SQLE: variants seen among roughly 807,000 people sequenced by gnomAD.
SQLE encodes squalene epoxidase.
SQLE carries 29 observed loss-of-function variants against 60.7 expected under a neutral mutation model. The observed-to-expected ratio is 0.48, with a 90% CI of 0.36 to 0.65. The LOEUF is 0.65. Ranked by LOEUF, SQLE falls within the 30% of genes least tolerant of loss-of-function variation. The pLI is 0.00. For missense variants in SQLE, 605 were observed against 684.1 expected (o/e 0.88, Z 1.29); for synonymous variants, 237 against 246.8 (o/e 0.96, Z 0.37).
intron 7 of SQLE, among the ~76,000 whole-genome samples, chr8:125,012,171 T>C (rs144865745): frequency 1.4e-4 from 22 of 152,210 alleles, no homozygotes; most frequent in African/African-American, 4.3e-4. Flanking sequence ...GGCAGGAGCA[T>C]AGGGTGGGTG....
At chr8:125,013,773 G>A (rs546703659) in intron 7 of SQLE, among the ~76,000 whole-genome samples, 14 of 152,316 alleles carry the variant, frequency 9.2e-5, no homozygotes, top group African/African-American at 3.4e-4. Flanking sequence ...TGATTTGTTT[G>A]TGTGTGGATA....
At chr8:124,999,803 G>C in intron 1 of SQLE, 109 bp downstream of exon 1, 2 of 1,284,992 alleles carry the variant, frequency 1.6e-6, no homozygotes, top group Non-Finnish European at 2.1e-6. Flanking sequence ...TTAGATGCTT[G>C]TATACATTCT....
intron 3 of SQLE, 62 bp downstream of exon 3, chr8:125,005,767 G>C (rs1814937504): frequency 1.5e-6 from 2 of 1,331,942 alleles, no homozygotes; most frequent in Non-Finnish European, 2.0e-6. Context: ...TTTGACCTTT[G>C]TACAAATAAG....
At chr8:125,017,257 G>A (rs918165042) in intron 7 of SQLE, among the ~76,000 whole-genome samples, 1 of 151,986 alleles carries the variant, frequency 6.6e-6, no homozygotes, top group Non-Finnish European at 1.5e-5. Context: ...GGGAGCCAGG[G>A]CCTGGAGTTG....
intron 4 of SQLE, 50 bp from the exon 5 acceptor site, chr8:125,008,921 T>A: frequency 7.6e-7 from 1 of 1,319,980 alleles, no homozygotes; most frequent in Non-Finnish European, 1.0e-6. Context: ...TGGCTTTTTT[T>A]ACTGTGTGTT....
At chr8:125,000,072 G>T (rs1347973139) in intron 1 of SQLE, 1 of 467,656 alleles carries the variant, frequency 2.1e-6, no homozygotes, top group Non-Finnish European at 4.2e-6. Context: ...CGTGCTGCGG[G>T]TAAGTCCACT....
chr8:125,008,552 CA>C (rs1814993474), intron 4 of SQLE, among the ~76,000 whole-genome samples: 1 of 152,156 alleles, frequency 6.6e-6, no homozygotes, highest in Non-Finnish European at 1.5e-5. Flanking sequence ...GTCATTTGTA[CA>C]AAAATTCTTC....
In SQLE at chr8:125,016,967, A is replaced by G. The variant is rs890712649; in HGVS notation, c.1205-1092A>G. On this transcript the variant is annotated intron_variant, in intron 7 of 10. Transcript: ENST00000265896. The surrounding 1 kb of genome is among the most constrained non-coding windows in gnomAD (Gnocchi z 4.1). The stretch of plus-strand genomic sequence containing the variant: ...GGTTCTCTTCCCTTACTTTCCCCCA[A>G]ACAGAGTCTGTCCTTCTTTGTTGAG... Among the ~76,000 whole-genome samples the G allele has an allele frequency of 3.9e-5, 6 of 152,096 alleles. No individual in the cohort carries two copies. Among genetic ancestry groups the G allele is most frequent in the African/African-American group, 1.2e-4 (5 of 41,416 alleles).
In SQLE at chr8:125,007,904, A is replaced by G. The variant is rs1443578546; in HGVS notation, c.822+417A>G. On this transcript the variant is annotated intron_variant, in intron 4 of 10. Coordinates refer to ENST00000265896, the MANE Select transcript of SQLE (RefSeq NM_003129.4). Reference sequence around the variant, plus strand: ...ATGCTATGCAAAAAACATTTTAAACAGAACTAATGTGAATAGTTTTTGAAA... The same window carrying G: ...ATGCTATGCAAAAAACATTTTAAACGGAACTAATGTGAATAGTTTTTGAAA... Among the ~76,000 whole-genome samples the G allele has an allele frequency of 1.3e-4, 20 of 152,236 alleles. 1 individual carries two copies. Among genetic ancestry groups the G allele is most frequent in the Admixed American group, 1.3e-3 (20 of 15,288 alleles).
At chr8:125,008,165 C>T (rs1814985254) in intron 4 of SQLE, among the ~76,000 whole-genome samples, 2 of 152,172 alleles carry the variant, frequency 1.3e-5, no homozygotes, top group Non-Finnish European at 1.5e-5. Context: ...TCTCGGCTCA[C>T]TGCAACCTCC....
At chr8:125,000,889 A>C (rs1332508133) in intron 1 of SQLE, among the ~76,000 whole-genome samples, 1 of 152,210 alleles carries the variant, frequency 6.6e-6, no homozygotes, top group Non-Finnish European at 1.5e-5. Context: ...TTTTTGCGCC[A>C]CCATTTCTGG....
chr8:125,006,199 C>T (rs1015685311), intron 3 of SQLE, among the ~76,000 whole-genome samples: 6 of 152,104 alleles, frequency 3.9e-5, no homozygotes, highest in Non-Finnish European at 8.8e-5. Flanking sequence ...AAGTTTTAAG[C>T]GTGAGAACCC....
intron 7 of SQLE, chr8:125,017,818 A>G: frequency 2.0e-6 from 1 of 497,838 alleles, no homozygotes. Flanking sequence ...TCATGAGGGC[A>G]GAGGCCACAC....
chr8:125,020,909 A>G lies in SQLE; in HGVS notation c.1532+38A>G, dbSNP rs148283890. ...GGCACAGAGGATACAAACCTGCCAG[A>G]TTTTCTTAGGACTGTTCAGTTGATG... is the stretch of plus-strand genomic sequence containing the variant. On this transcript the variant is annotated intron_variant, in intron 10 of 10. Coordinates refer to ENST00000265896, the MANE Select transcript of SQLE (RefSeq NM_003129.4). 7.8e-4 allele frequency: 1,124 copies of G among 1,441,276 alleles called. 13 individuals carry two copies. The African/African-American group carries it at 0.013, about 17-fold the overall frequency. 89.3% of individuals were successfully genotyped at this position (1,441,276 alleles called of 1,614,324 possible). A position where few individuals can be genotyped will look rare whatever the true frequency, so the allele number is the denominator to read the frequency against.
chr8:125,018,956 CAT>C (rs1215139212), intron 9 of SQLE: 3 of 455,642 alleles, frequency 6.6e-6, no homozygotes, highest in Non-Finnish European at 1.2e-5. Context: ...GCCTCAGTAA[CAT>C]ATTCATTATT....
In SQLE at chr8:125,021,912, A is replaced by C; in HGVS notation, c.1692A>C (p.Leu564=). ...AAGCGTGTTCTGTAATATTTCCTCT[A>C]ATTTACTCAGAAATGAAGTATATGG... The part of the protein sequence containing the change: ...LYKACSVIFP[L]IYSEMKYMVH The change falls in exon 11 of 11, where the codon CTA becomes CTC. Residue 564 remains leucine (L), a synonymous_variant. Coordinates refer to ENST00000265896, the MANE Select transcript of SQLE (RefSeq NM_003129.4). The C allele has an allele frequency of 3.7e-6, 6 of 1,606,512 alleles. No individual in the cohort carries two copies. The highest frequency in any genetic ancestry group is 5.1e-6 in the Non-Finnish European group (6 of 1,175,896).
rs763545973 is a variant in SQLE, at chr8:125,005,659, G to A, written c.679G>A (p.Gly227Arg). The A allele has an allele frequency of 1.9e-6, 3 of 1,605,098 alleles. No homozygotes were observed. Among genetic ancestry groups the A allele is most frequent in the Non-Finnish European group, 1.7e-6 (2 of 1,174,274 alleles). ...QVQSGRAFHH[G>R]RFIMSLRKAA... ...GCAGAGTGGAAGAGCTTTCCATCAC[G>A]GAAGATTCATCATGAGTCTCCGGAA... Residue 227 changes from glycine to arginine, a missense_variant, in exon 3 of 11, where the codon GGA becomes AGA. Transcript: ENST00000265896.
rs1334982830 is a variant in SQLE at position 125,007,472 on chromosome 8, G to A, written c.807G>A (p.Glu269=). 1 of 1,546,692 alleles carries A rather than the reference G, an allele frequency of 6.5e-7. No homozygotes were observed. The highest frequency in any genetic ancestry group is 8.7e-7 in the Non-Finnish European group (1 of 1,144,054). The change falls in exon 4 of 11, where the codon GAG becomes GAA. Residue 269 remains glutamate, a synonymous_variant. Transcript: ENST00000265896. ...VVMGVQYKDK[E]TGDIKELHAP... Reference sequence around the variant, plus strand: ...TGGGAGTTCAGTACAAGGATAAAGAGACTGGAGATATCAAGGTGAGAAATA... The same window carrying A: ...TGGGAGTTCAGTACAAGGATAAAGAAACTGGAGATATCAAGGTGAGAAATA...
chr8:125,016,193 T>C lies in SQLE; in HGVS notation c.1205-1866T>C, dbSNP rs1375817922. ...TCTGTTATTTTTTCTTCAAATAAAC[T>C]TTCTACCCTCATCTTTCTATCTCCT... On this transcript the variant is annotated intron_variant, in intron 7 of 10. Transcript: ENST00000265896. The surrounding 1 kb of genome is among the most constrained non-coding windows in gnomAD (Gnocchi z 4.1). Among the ~76,000 whole-genome samples, 1 of 129,950 alleles carries C rather than the reference T, an allele frequency of 7.7e-6. No homozygotes were observed. The highest frequency in any genetic ancestry group is 2.2e-4 in the East Asian group (1 of 4,610). The allele number at this position is 129,950 out of a possible 152,430, so 85.3% of individuals were successfully genotyped here.
Sources: gnomAD v4.1 joint callset for allele counts (sites outside exome capture counted in the v4.1 genomes callset) on GRCh38, gnomAD v4.1.1 for gene constraint, Gnocchi (gnomAD v3.1) non-coding constraint, MANE v1.5 for transcripts, NCBI Gene and HGNC (gene_info 2026-07-23, HGNC 2026-07-21) for gene names.